The following SEC63 variants were observed in gnomAD, a reference collection of about 807,000 sequenced individuals.
SEC63 encodes SEC63 protein translocation regulator.
SEC63 carries 56 observed loss-of-function variants against 116.2 expected under a neutral mutation model. The observed-to-expected ratio is 0.48, with a 90% confidence interval of 0.39 to 0.60. The LOEUF is 0.60. Among genes scored for constraint, SEC63 ranks in the 20% least tolerant of loss-of-function variants. The pLI is 0.00. For synonymous variants in SEC63, 273 were observed against 294.6 expected, an observed-to-expected ratio of 0.93 and a Z score of 0.75; for missense variants, 668 against 900.0, an observed-to-expected ratio of 0.74 and a Z score of 3.30.
intron 14 of SEC63, among the ~76,000 whole-genome samples, chr6:107,896,502 A>G (rs556827516): frequency 3.2e-4 from 49 of 152,220 alleles, no homozygotes; most frequent in African/African-American, 1.1e-3. Context: ...ATGCAAAATG[A>G]TTGGACTGGA....
At chr6:107,955,434 C>T (rs754590610) in intron 1 of SEC63, among the ~76,000 whole-genome samples, 2 of 152,266 alleles carry the variant, frequency 1.3e-5, no homozygotes, top group South Asian at 4.1e-4. Flanking sequence ...AAGTGAGCCA[C>T]GGCAGGCGTG....
In SEC63 at chr6:107,869,906, AAAAAAAAC is replaced by A. The variant is rs1178416086; in HGVS notation, c.*1790_*1797del. On this transcript the variant is annotated 3_prime_UTR_variant, in exon 21 of 21. Coordinates refer to ENST00000369002, the MANE Select transcript of SEC63 (RefSeq NM_007214.5). Reference sequence around the variant, plus strand: ...TTTAAGGCAAAGTAGCCACTAGAAAAAAAAAAACAACTTTTCTTGAAATCTTTCAAGAA... The same window carrying A: ...TTTAAGGCAAAGTAGCCACTAGAAAAAACTTTTCTTGAAATCTTTCAAGAA... The A allele has an allele frequency of 2.1e-5, 1 of 46,954 alleles. No homozygotes were observed. Among genetic ancestry groups the A allele is most frequent in the East Asian group, 4.1e-4 (1 of 2,428 alleles). The allele number at this position is 46,954 out of a possible 1,614,324, so 2.9% of individuals were successfully genotyped here. A position where few individuals can be genotyped will look rare whatever the true frequency, so the allele number is the denominator to read the frequency against.
Position 107,921,922 on chromosome 6 carries a change from A to AGGGGGG in SEC63, c.340-14_340-13insCCCCCC, listed in dbSNP as rs756849940. On this transcript the variant is annotated splice_polypyrimidine_tract_variant and intron_variant, in intron 3 of 20. Transcript: ENST00000369002. ...CTACTGTGGCTCCCTGGGGAAAAAC[A>AGGGGGG]AAAAAAAAAAACAAGCTTTCTGTTA... 1 of 964,122 alleles carries AGGGGGG rather than the reference A, an allele frequency of 1.0e-6. No individual in the cohort carries two copies. The highest frequency in any genetic ancestry group is 4.0e-5 in the African/African-American group (1 of 25,100). The allele number at this position is 964,122 out of a possible 1,614,324, so 59.7% of individuals were successfully genotyped here. A position where few individuals can be genotyped will look rare whatever the true frequency, so the allele number is the denominator to read the frequency against.
intron 8 of SEC63, among the ~76,000 whole-genome samples, chr6:107,907,543 T>C (rs530794640): frequency 1.9e-4 from 29 of 152,246 alleles, no homozygotes; most frequent in Admixed American, 1.6e-3. Context: ...GATTGTGCCA[T>C]TGTACTCTAG....
chr6:107,947,779 G>A (rs1249649397), intron 1 of SEC63, among the ~76,000 whole-genome samples: 2 of 151,916 alleles, frequency 1.3e-5, no homozygotes, highest in Admixed American at 1.3e-4. Context: ...TTTCTAATCT[G>A]ACCACCTGTC....
intron 1 of SEC63, among the ~76,000 whole-genome samples, chr6:107,934,348 G>A (rs1405205093): frequency 6.6e-6 from 1 of 151,342 alleles, no homozygotes; most frequent in Non-Finnish European, 1.5e-5. Flanking sequence ...TCCCATCTAG[G>A]AAGTGAGGAG....
chr6:107,903,112 G>A (rs1787046778), intron 11 of SEC63, 114 bp from the exon 12 acceptor site: 5 of 1,049,122 alleles, frequency 4.8e-6, no homozygotes, highest in Non-Finnish European at 7.2e-6. Flanking sequence ...CAAATTTGAG[G>A]ATCATAGTAA....
chr6:107,939,765 A>AT (rs199649229), intron 1 of SEC63, among the ~76,000 whole-genome samples: 23 of 151,982 alleles, frequency 1.5e-4, no homozygotes, highest in Middle Eastern at 3.4e-3. Context: ...AATAAAAATA[A>AT]TTTAAAAAAA....
Position 107,906,690 on chromosome 6 carries a change from A to T in SEC63, c.821T>A (p.Ile274Lys). 6.2e-7 allele frequency: 1 copy of T among 1,613,242 alleles called. No individual in the cohort carries two copies. The highest frequency in any genetic ancestry group is 2.2e-5 in the East Asian group (1 of 44,852). The change falls in exon 9 of 21, where the codon ATA becomes AAA. Residue 274 changes from isoleucine (I) to lysine (K), a missense_variant. By Grantham distance (102) the Ile-to-Lys change is moderately radical. Transcript: ENST00000369002. ...ATSRPTDNILIPQLIREIGSI... is the reference protein window; with the variant it reads ...ATSRPTDNILKPQLIREIGSI... ...TTGGGAAATTAGCCTAACCTGTGGT[A>T]TTAGAATATTATCCGTTGGTCTGCT...
intron 18 of SEC63, among the ~76,000 whole-genome samples, chr6:107,879,697 G>T (rs1786366465): frequency 6.6e-6 from 1 of 150,904 alleles, no homozygotes; most frequent in Admixed American, 6.7e-5. Flanking sequence ...TTTGAAAAAG[G>T]CATTTTGCTG....
intron 4 of SEC63, among the ~76,000 whole-genome samples, chr6:107,918,492 C>T (rs528599379): frequency 6.6e-6 from 1 of 152,112 alleles, no homozygotes; most frequent in Admixed American, 6.5e-5. Context: ...GTCAGGAGTT[C>T]AAGACTAGCC....
intron 16 of SEC63, 100 bp downstream of exon 16, chr6:107,893,381 AT>A: frequency 8.4e-7 from 1 of 1,183,618 alleles, no homozygotes; most frequent in Non-Finnish European, 1.2e-6. Context: ...TCACGGGTGC[AT>A]AAATTATGTA....
chr6:107,916,200 G>C (rs984241452), intron 4 of SEC63, among the ~76,000 whole-genome samples: 3 of 152,218 alleles, frequency 2.0e-5, no homozygotes, highest in Non-Finnish European at 4.4e-5. Flanking sequence ...CTCTGGAAAT[G>C]TCTTTTTAAA....
rs566716235 is a variant in SEC63, at chr6:107,893,678, C to A, written c.1501-23G>T. 1.1e-4 allele frequency: 176 copies of A among 1,613,520 alleles called. 5 individuals carry two copies. The South Asian group carries it at 1.9e-3, about 17-fold the overall frequency. ...CTGCTGTGAATCATAACACGTCACA[C>A]TCTTAAGTTATAGCAACAGATTCAA... On this transcript the variant is annotated intron_variant, in intron 15 of 20. Transcript: ENST00000369002.
intron 11 of SEC63, among the ~76,000 whole-genome samples, chr6:107,904,094 G>A (rs1272418434): frequency 2.2e-5 from 3 of 136,988 alleles, no homozygotes; most frequent in African/African-American, 8.4e-5. Flanking sequence ...CTCCAGCCTA[G>A]GCGACAGAGT....
intron 1 of SEC63, among the ~76,000 whole-genome samples, chr6:107,935,035 G>A (rs1446126380): frequency 2.3e-5 from 3 of 133,284 alleles, no homozygotes; most frequent in East Asian, 2.3e-4. Context: ...CGTCCGGGAG[G>A]TGAGGGGCGC....
chr6:107,919,882 T>A (rs1464098468), intron 4 of SEC63, among the ~76,000 whole-genome samples: 1 of 151,752 alleles, frequency 6.6e-6, no homozygotes, highest in Admixed American at 6.6e-5. Context: ...TCAAATAGCA[T>A]CACATGCTAG....
At chr6:107,957,772 C>A (rs976465405) in intron 1 of SEC63, 114 bp downstream of exon 1, 4 of 1,167,136 alleles carry the variant, frequency 3.4e-6, no homozygotes, top group Non-Finnish European at 4.4e-6. Context: ...CCGGGCCGCA[C>A]CGTCCCTGTC....
chr6:107,938,247 A>ATTTTTT (rs4028676), intron 1 of SEC63, among the ~76,000 whole-genome samples: 12 of 133,978 alleles, frequency 9.0e-5, no homozygotes, highest in South Asian at 2.3e-4. Flanking sequence ...TGGTGAGTTA[A>ATTTTTT]TTTTTTTTTT....
Sources: gnomAD v4.1 joint callset for allele counts (sites outside exome capture counted in the v4.1 genomes callset) on GRCh38, gnomAD v4.1.1 for gene constraint, MANE v1.5 for transcripts, NCBI Gene and HGNC (gene_info 2026-07-23, HGNC 2026-07-21) for gene names.